The following CADM2 variants were observed in gnomAD, a reference collection of about 807,000 sequenced individuals.
The protein encoded by CADM2 is cell adhesion molecule 2.
CADM2 carries 12 observed loss-of-function variants against 49.8 expected under a neutral mutation model. The observed-to-expected ratio is 0.24, with a 90% CI of 0.15 to 0.39. CADM2 has a LOEUF of 0.39. Ranked by LOEUF, CADM2 falls within the 10% of genes least tolerant of loss-of-function variation. The pLI, the probability that CADM2 is intolerant of heterozygous loss-of-function variation, is 1.00. For missense variants in CADM2, 378 were observed against 492.3 expected (o/e 0.77, Z 2.20); for synonymous variants, 214 against 175.4 (o/e 1.22, Z -1.74).
Position 85,236,498 on chromosome 3 carries a change from G to A in CADM2, c.61+276830G>A, listed in dbSNP as rs576144232. 8.6e-4 allele frequency among the ~76,000 whole-genome samples: 130 copies of A among 152,040 alleles called. 1 individual carries two copies. In the Middle Eastern group the frequency reaches 0.02, roughly 24 times the overall value. On this transcript the variant is annotated intron_variant, in intron 1 of 9. Coordinates refer to ENST00000383699, the MANE Select transcript of CADM2 (RefSeq NM_001167675.2). ...TTTAATGGTTTATTTTTAAAGAATA[G>A]GAAGACTCAAAATTAATTGCAAAGG...
rs375657780 is a variant in CADM2, at chr3:85,320,156, G to T, written c.61+360488G>T. Among the ~76,000 whole-genome samples, 9 of 152,282 alleles carry T rather than the reference G, an allele frequency of 5.9e-5. No individual in the cohort carries two copies. In the East Asian group the frequency reaches 1.4e-3, roughly 23 times the overall value. ...TTTATTGTCATAATTGAGGACCAGG[G>T]TGCTACTGGCATTTAGTGGTTGGAG... On this transcript the variant is annotated intron_variant, in intron 1 of 9. Coordinates refer to ENST00000383699, the MANE Select transcript of CADM2 (RefSeq NM_001167675.2).
At chr3:85,701,319 A>T (rs4423783) in intron 1 of CADM2, among the ~76,000 whole-genome samples, 63,658 of 151,972 alleles carry the variant, frequency 0.42, 13,415 homozygotes, top group South Asian at 0.49. Flanking sequence ...GGATTACATT[A>T]CAACATGAGA....
chr3:85,255,172 G>A (rs929209585), intron 1 of CADM2, among the ~76,000 whole-genome samples: 6 of 151,922 alleles, frequency 3.9e-5, no homozygotes, highest in Non-Finnish European at 7.4e-5. Context: ...AGAAACTTGG[G>A]AATCATCTTT....
chr3:85,245,395 C>T (rs1022442340), intron 1 of CADM2, among the ~76,000 whole-genome samples: 6 of 151,900 alleles, frequency 3.9e-5, no homozygotes, highest in African/African-American at 1.5e-4. Flanking sequence ...GCCTGTAGTA[C>T]CAGCTACTTG....
intron 1 of CADM2, among the ~76,000 whole-genome samples, chr3:85,646,235 T>C (rs766197135): frequency 3.9e-5 from 6 of 152,048 alleles, no homozygotes; most frequent in Non-Finnish European, 8.8e-5. Context: ...GATTGGGTGC[T>C]TAGCTTTACA....
At chr3:85,309,067 A>G (rs185607475) in intron 1 of CADM2, among the ~76,000 whole-genome samples, 3 of 152,246 alleles carry the variant, frequency 2.0e-5, no homozygotes, top group East Asian at 3.9e-4. Flanking sequence ...AGAGATGACT[A>G]TAACACTTCC....
chr3:85,403,927 C>G (rs1200893143), intron 1 of CADM2, among the ~76,000 whole-genome samples: 1 of 151,964 alleles, frequency 6.6e-6, no homozygotes, highest in African/African-American at 2.4e-5. Context: ...GTAACTGAAT[C>G]ATATATTGTG....
At chr3:85,869,723 A>G (rs1454447267) in intron 3 of CADM2, among the ~76,000 whole-genome samples, 1 of 152,058 alleles carries the variant, frequency 6.6e-6, no homozygotes, top group Non-Finnish European at 1.5e-5. Context: ...CAGTGGCGCG[A>G]TCTCGGCTCA....
intron 2 of CADM2, among the ~76,000 whole-genome samples, chr3:85,785,556 A>C (rs1055590210): frequency 5.3e-5 from 8 of 152,206 alleles, no homozygotes; most frequent in African/African-American, 1.9e-4. Flanking sequence ...CATGAAACAC[A>C]CCAAGCTTTA....
Position 85,930,001 on chromosome 3 carries a change from T to G in CADM2, c.701-5766T>G, listed in dbSNP as rs139725270. Reference sequence around the variant, plus strand: ...GTCAAGTTTAAGATAATAACCTCATTACTGTAGTACTTGTGGTTAATAAAA... The same window carrying G: ...GTCAAGTTTAAGATAATAACCTCATGACTGTAGTACTTGTGGTTAATAAAA... On this transcript the variant is annotated intron_variant, in intron 6 of 9. Transcript: ENST00000383699. Among the ~76,000 whole-genome samples the G allele has an allele frequency of 5.4e-4, 82 of 152,116 alleles. 1 individual carries two copies. The East Asian group carries it at 0.016, about 29-fold the overall frequency.
intron 1 of CADM2, among the ~76,000 whole-genome samples, chr3:85,280,828 CAGTT>C (rs1258841904): frequency 6.6e-6 from 1 of 151,452 alleles, no homozygotes; most frequent in East Asian, 1.9e-4. Context: ...GTTAGCAAAA[CAGTT>C]AAAATACAAC....
At chr3:85,317,395 T>G (rs1282330907) in intron 1 of CADM2, among the ~76,000 whole-genome samples, 1 of 152,186 alleles carries the variant, frequency 6.6e-6, no homozygotes, top group Non-Finnish European at 1.5e-5. Context: ...ACATAAAGAC[T>G]TACAATAATA....
At chr3:85,111,718 C>T (rs913403447) in intron 1 of CADM2, among the ~76,000 whole-genome samples, 2 of 151,630 alleles carry the variant, frequency 1.3e-5, no homozygotes, top group African/African-American at 4.8e-5. Flanking sequence ...TCAATAATAA[C>T]TTAATTGTAT....
intron 1 of CADM2, among the ~76,000 whole-genome samples, chr3:85,465,015 G>C (rs2038425564): frequency 6.6e-6 from 1 of 152,126 alleles, no homozygotes; most frequent in Non-Finnish European, 1.5e-5. Context: ...CGGGCGTGGT[G>C]GCACACGCCT....
At chr3:85,337,316 C>T (rs1473312061) in intron 1 of CADM2, among the ~76,000 whole-genome samples, 1 of 150,732 alleles carries the variant, frequency 6.6e-6, no homozygotes, top group African/African-American at 2.4e-5. Flanking sequence ...TAATGAGGGG[C>T]AAAAAGAAAG....
intron 2 of CADM2, among the ~76,000 whole-genome samples, chr3:85,733,822 G>C (rs1030262236): frequency 2.0e-5 from 3 of 151,750 alleles, no homozygotes; most frequent in Admixed American, 6.6e-5. Flanking sequence ...AGATCTTCTG[G>C]GACTCAATTC....
chr3:85,596,873 C>T (rs187875430), intron 1 of CADM2, among the ~76,000 whole-genome samples: 118 of 152,152 alleles, frequency 7.8e-4, no homozygotes, highest in Middle Eastern at 3.4e-3. Context: ...TGCCCCACCA[C>T]GCCCAGCTAA....
intron 1 of CADM2, among the ~76,000 whole-genome samples, chr3:85,546,692 G>T (rs973255785): frequency 1.3e-5 from 2 of 152,072 alleles, no homozygotes; most frequent in African/African-American, 4.8e-5. Flanking sequence ...CTAAGATGAG[G>T]ACTGCATTGA....
At chr3:85,632,115 G>A (rs2064329628) in intron 1 of CADM2, among the ~76,000 whole-genome samples, 1 of 152,068 alleles carries the variant, frequency 6.6e-6, no homozygotes, top group African/African-American at 2.4e-5. Context: ...GGGGCCTGGT[G>A]GGAGATGATT....
Sources: gnomAD v4.1 joint callset for allele counts (sites outside exome capture counted in the v4.1 genomes callset) on GRCh38, gnomAD v4.1.1 for gene constraint, MANE v1.5 for transcripts, NCBI Gene and HGNC (gene_info 2026-07-23, HGNC 2026-07-21) for gene names.